GRID2: variants seen among roughly 807,000 people sequenced by gnomAD.
GRID2 encodes glutamate receptor ionotropic, delta-2.
In GRID2, 33 loss-of-function variants were observed where a neutral mutation model predicts 114.8. That is an observed-to-expected ratio of 0.29 (90% CI 0.22 to 0.38). GRID2 has a LOEUF of 0.38. GRID2 is among the 10% of genes least tolerant of loss of function. The probability of loss-of-function intolerance (pLI) is 1.00; values close to 1 mark genes in which losing one functional copy is unlikely to be tolerated. For missense variants in GRID2, 1,184 were observed against 1,257.7 expected (o/e 0.94, Z 0.89); for synonymous variants, 505 against 449.9 (o/e 1.12, Z -1.55).
At chr4:93,181,819 A>T (rs1186324188) in intron 4 of GRID2, among the ~76,000 whole-genome samples, 1 of 152,186 alleles carries the variant, frequency 6.6e-6, no homozygotes, top group Non-Finnish European at 1.5e-5. Flanking sequence ...CTAGTACCTG[A>T]AGATGTAAAG....
At chr4:92,876,748 C>T (rs193120974) in intron 2 of GRID2, among the ~76,000 whole-genome samples, 1 of 152,170 alleles carries the variant, frequency 6.6e-6, no homozygotes, top group Non-Finnish European at 1.5e-5. Context: ...ACAAAACCCA[C>T]AGGGAGCAGC....
At chr4:93,352,856 C>G (rs951887802) in intron 8 of GRID2, among the ~76,000 whole-genome samples, 27 of 152,112 alleles carry the variant, frequency 1.8e-4, no homozygotes, top group African/African-American at 6.5e-4. Context: ...CAAAGCTTGA[C>G]TACCTACCCT....
At chr4:92,629,771 GTTTTTTCT>G (rs1282890129) in intron 2 of GRID2, among the ~76,000 whole-genome samples, 1 of 146,880 alleles carries the variant, frequency 6.8e-6, no homozygotes, top group East Asian at 2.0e-4. Flanking sequence ...TTTAAAATAT[GTTTTTTCT>G]TTTTTTTTTT....
At chr4:92,628,738 G>C (rs1730648317) in intron 2 of GRID2, among the ~76,000 whole-genome samples, 1 of 152,030 alleles carries the variant, frequency 6.6e-6, no homozygotes, top group Admixed American at 6.6e-5. Context: ...AGGGACTCAT[G>C]CCTCCAATCT....
chr4:93,369,390 C>T (rs1256478644), intron 8 of GRID2, among the ~76,000 whole-genome samples: 1 of 152,152 alleles, frequency 6.6e-6, no homozygotes, highest in African/African-American at 2.4e-5. Flanking sequence ...ATCCTTTTTC[C>T]AAATAAAGCA....
chr4:92,318,923 G>C (rs1020735692), intron 1 of GRID2, among the ~76,000 whole-genome samples: 1 of 152,024 alleles, frequency 6.6e-6, no homozygotes, highest in Non-Finnish European at 1.5e-5. Flanking sequence ...GTGTAGGCAG[G>C]GAGCTCCCTT....
At chr4:92,948,767 T>C (rs978134701) in intron 2 of GRID2, among the ~76,000 whole-genome samples, 2 of 152,026 alleles carry the variant, frequency 1.3e-5, no homozygotes, top group Admixed American at 1.3e-4. Flanking sequence ...CAAATTGAAG[T>C]ATAATGAATT....
chr4:92,312,475 A>T (rs540143880), intron 1 of GRID2, among the ~76,000 whole-genome samples: 3 of 152,222 alleles, frequency 2.0e-5, no homozygotes, highest in East Asian at 3.9e-4. Context: ...TTTCTGATAG[A>T]TGAGCCAGGT....
chr4:93,598,869 A>G (rs1739386304), intron 13 of GRID2, among the ~76,000 whole-genome samples: 1 of 152,164 alleles, frequency 6.6e-6, no homozygotes, highest in African/African-American at 2.4e-5. Context: ...ATTGTATAAA[A>G]TGTGCCTTCA....
intron 14 of GRID2, among the ~76,000 whole-genome samples, chr4:93,660,533 C>G (rs1352494522): frequency 6.6e-6 from 1 of 152,104 alleles, no homozygotes; most frequent in East Asian, 1.9e-4. Flanking sequence ...ATGAGAAATA[C>G]TCTCTATCAA....
At chr4:92,876,124 A>G (rs1436021405) in intron 2 of GRID2, among the ~76,000 whole-genome samples, 1 of 152,016 alleles carries the variant, frequency 6.6e-6, no homozygotes, top group Non-Finnish European at 1.5e-5. Flanking sequence ...CTCTGAAGTC[A>G]TTTAATCCTC....
chr4:93,230,147 C>CGT (rs34250856), intron 7 of GRID2, among the ~76,000 whole-genome samples: 1,659 of 148,698 alleles, frequency 0.011, 14 homozygotes, highest in Admixed American at 0.013. Context: ...TGTGTGTATG[C>CGT]GTGTGTGTGT....
chr4:93,159,253 A>T (rs1193284463), intron 4 of GRID2, among the ~76,000 whole-genome samples: 1 of 151,824 alleles, frequency 6.6e-6, no homozygotes, highest in African/African-American at 2.4e-5. Flanking sequence ...CTGTAAGGTT[A>T]TTGACTGGCA....
intron 4 of GRID2, among the ~76,000 whole-genome samples, chr4:93,205,220 T>A: frequency 6.6e-6 from 1 of 152,098 alleles, no homozygotes; most frequent in East Asian, 1.9e-4. Flanking sequence ...AGTGTTTTTT[T>A]TTTATTTTTT....
chr4:92,914,682 G>C (rs1181718270), intron 2 of GRID2, among the ~76,000 whole-genome samples: 1 of 152,022 alleles, frequency 6.6e-6, no homozygotes, highest in Non-Finnish European at 1.5e-5. Flanking sequence ...TTGATTTTCT[G>C]TTCCTATATT....
Position 93,334,792 on chromosome 4 carries a change from G to A in GRID2, c.1246-60815G>A, listed in dbSNP as rs11931579. 5.9e-3 allele frequency among the ~76,000 whole-genome samples: 898 copies of A among 152,212 alleles called. 5 individuals are homozygous for A. The highest frequency in any genetic ancestry group is 0.021 in the African/African-American group (866 of 41,546). ...AAAAATACAAAAAAATTAGCCGGGC[G>A]TGGTGGTGCATGCCTGTAATCCCGG... On this transcript the variant is annotated intron_variant, in intron 8 of 15. Transcript: ENST00000282020.
chr4:93,228,248 C>T (rs185477766), intron 7 of GRID2, among the ~76,000 whole-genome samples: 14 of 152,234 alleles, frequency 9.2e-5, no homozygotes, highest in Admixed American at 9.2e-4. Context: ...TTGGAGCTGG[C>T]ATCTGATAAG....
At chr4:92,716,270 T>C (rs1735545324) in intron 2 of GRID2, among the ~76,000 whole-genome samples, 1 of 152,188 alleles carries the variant, frequency 6.6e-6, no homozygotes, top group African/African-American at 2.4e-5. Flanking sequence ...CCTTTGACTT[T>C]CTGCAAAGAC....
intron 8 of GRID2, among the ~76,000 whole-genome samples, chr4:93,284,007 T>C (rs1397182634): frequency 6.6e-6 from 1 of 152,112 alleles, no homozygotes; most frequent in Non-Finnish European, 1.5e-5. Context: ...TAGGTTTCAC[T>C]GTTCATTACT....
Sources: gnomAD v4.1 joint callset for allele counts (sites outside exome capture counted in the v4.1 genomes callset) on GRCh38, gnomAD v4.1.1 for gene constraint, MANE v1.5 for transcripts, NCBI Gene and HGNC (gene_info 2026-07-23, HGNC 2026-07-21) for gene names.